GAS7: variants seen among roughly 807,000 people sequenced by gnomAD.
GAS7 encodes growth arrest-specific protein 7.
GAS7 carries 28 observed loss-of-function variants against 71.1 expected under a neutral mutation model. The observed-to-expected ratio is 0.39, with a 90% confidence interval of 0.29 to 0.54. The LOEUF is 0.54. GAS7 is among the 20% of genes least tolerant of loss of function. The probability of loss-of-function intolerance (pLI) is 0.62; values close to 1 mark genes in which losing one functional copy is unlikely to be tolerated. For synonymous variants in GAS7, 258 were observed against 245.8 expected (o/e 1.05, Z -0.46); for missense variants, 436 against 627.8 (o/e 0.69, Z 3.27).
chr17:10,070,110 C>T (rs1001780819), intron 1 of GAS7, among the ~76,000 whole-genome samples: 1 of 152,114 alleles, frequency 6.6e-6, no homozygotes, highest in Admixed American at 6.5e-5. Flanking sequence ...AGACCATAGG[C>T]ACTAGATGAC....
At position 10,044,142 on chromosome 17, in the gene GAS7, T is replaced by G. The variant is rs148747410; in HGVS notation, c.184-24245A>C. Among the ~76,000 whole-genome samples, 266 of 152,356 alleles carry G rather than the reference T, an allele frequency of 1.7e-3. 1 individual carries two copies. The highest frequency in any genetic ancestry group is 2.2e-3 in the Admixed American group (33 of 15,304). ...ACTTTTCTCTGCTTCTGGGGAATGCTTTCAGCATCACTAGTGGCACACTCT... is the reference window on the plus strand; with the variant it reads ...ACTTTTCTCTGCTTCTGGGGAATGCGTTCAGCATCACTAGTGGCACACTCT... On this transcript the variant is annotated intron_variant, in intron 1 of 13. Transcript: ENST00000432992.
intron 2 of GAS7, among the ~76,000 whole-genome samples, chr17:9,990,832 GC>G (rs1192421712): frequency 1.3e-5 from 2 of 152,182 alleles, no homozygotes; most frequent in Non-Finnish European, 2.9e-5. Context: ...CCTGCTGGGT[GC>G]CCTCTGGGTG....
intron 1 of GAS7, among the ~76,000 whole-genome samples, chr17:10,039,072 G>C (rs2072812734): frequency 6.6e-6 from 1 of 152,004 alleles, no homozygotes; most frequent in Non-Finnish European, 1.5e-5. Context: ...TGTTTAATGG[G>C]TCCAGAGTGT....
At chr17:10,039,115 A>G (rs978508217) in intron 1 of GAS7, among the ~76,000 whole-genome samples, 1 of 151,922 alleles carries the variant, frequency 6.6e-6, no homozygotes, top group African/African-American at 2.4e-5. Context: ...TCTGGAGATT[A>G]ATGGTGGTGA....
At chr17:10,093,542 G>C (rs1221227293) in intron 1 of GAS7, among the ~76,000 whole-genome samples, 1 of 107,794 alleles carries the variant, frequency 9.3e-6, no homozygotes, top group Admixed American at 1.3e-4. Flanking sequence ...AACAGAGTGA[G>C]ACTCCGTCTC....
chr17:10,040,902 C>T (rs1288703245), intron 1 of GAS7, among the ~76,000 whole-genome samples: 1 of 152,152 alleles, frequency 6.6e-6, no homozygotes, highest in South Asian at 2.1e-4. Context: ...TGGCTCACAC[C>T]TGTAATCCCA....
At chr17:10,030,785 G>A (rs2072598707) in intron 1 of GAS7, among the ~76,000 whole-genome samples, 1 of 151,904 alleles carries the variant, frequency 6.6e-6, no homozygotes, top group East Asian at 1.9e-4. Flanking sequence ...ATAGATGAAT[G>A]GGGTGACAAT....
chr17:10,160,521 G>A (rs923910538), intron 1 of GAS7, among the ~76,000 whole-genome samples: 9 of 152,176 alleles, frequency 5.9e-5, no homozygotes, highest in Non-Finnish European at 1.2e-4. Flanking sequence ...CCAGGAAGAA[G>A]AAAGGCACCT....
intron 3 of GAS7, among the ~76,000 whole-genome samples, chr17:9,971,374 C>A (rs2069955102): frequency 6.6e-6 from 1 of 152,134 alleles, no homozygotes; most frequent in East Asian, 1.9e-4. Flanking sequence ...GCCCGGACAA[C>A]ACCGTGAGAC....
At chr17:10,185,968 T>C (rs1597842398) in intron 1 of GAS7, among the ~76,000 whole-genome samples, 2 of 149,346 alleles carry the variant, frequency 1.3e-5, no homozygotes, top group Admixed American at 1.3e-4. Context: ...TTTTTTTTTT[T>C]TTTTGGAGAC....
At chr17:10,125,086 G>A (rs993196238) in intron 1 of GAS7, among the ~76,000 whole-genome samples, 1 of 151,086 alleles carries the variant, frequency 6.6e-6, no homozygotes, top group East Asian at 1.9e-4. Context: ...AAAAAGGGGG[G>A]GTGTGGAAGA....
chr17:10,106,313 C>T (rs2073755957), intron 1 of GAS7, among the ~76,000 whole-genome samples: 1 of 152,204 alleles, frequency 6.6e-6, no homozygotes, highest in African/African-American at 2.4e-5. Flanking sequence ...GACACCGGCC[C>T]CTCCTCTGAT....
At position 9,974,227 on chromosome 17, in the gene GAS7, G is replaced by C. The variant is rs758235645; in HGVS notation, c.386-4465C>G. 6.6e-6 allele frequency among the ~76,000 whole-genome samples: 1 copy of C among 152,124 alleles called. No individual in the cohort carries two copies. Among genetic ancestry groups the C allele is most frequent in the Non-Finnish European group, 1.5e-5 (1 of 68,022 alleles). On this transcript the variant is annotated intron_variant, in intron 3 of 13. Coordinates refer to ENST00000432992, the MANE Select transcript of GAS7 (RefSeq NM_201433.2). This position sits in a 1 kb window ranked among gnomAD's most constrained non-coding sequence, Gnocchi z 4.0. ...TTCTCCCCACGTAGCAGCTCTCCTC[G>C]GACACCCTGTCTGGCTGCGTTATCA...
intron 1 of GAS7, among the ~76,000 whole-genome samples, chr17:10,030,211 C>T (rs189468052): frequency 6.6e-6 from 1 of 152,256 alleles, no homozygotes; most frequent in East Asian, 1.9e-4. Flanking sequence ...TGTATTGGCC[C>T]CGAGGGGGCA....
chr17:10,108,204 T>C (rs1254415059), intron 1 of GAS7, among the ~76,000 whole-genome samples: 1 of 152,244 alleles, frequency 6.6e-6, no homozygotes, highest in Non-Finnish European at 1.5e-5. Context: ...TAGAGCATTT[T>C]TGCTTTGCAT....
intron 1 of GAS7, among the ~76,000 whole-genome samples, chr17:10,069,166 C>T (rs1435167995): frequency 6.6e-6 from 1 of 152,204 alleles, no homozygotes; most frequent in Non-Finnish European, 1.5e-5. Context: ...TTCCCAGACA[C>T]CAGCCAAGGA....
At chr17:9,990,832 G>C (rs913176955) in intron 2 of GAS7, among the ~76,000 whole-genome samples, 1 of 152,182 alleles carries the variant, frequency 6.6e-6, no homozygotes, top group African/African-American at 2.4e-5. Flanking sequence ...CCTGCTGGGT[G>C]CCCTCTGGGT....
At chr17:9,947,930 A>G (rs1389862628) in intron 5 of GAS7, among the ~76,000 whole-genome samples, 4 of 152,068 alleles carry the variant, frequency 2.6e-5, no homozygotes, top group African/African-American at 4.8e-5. Flanking sequence ...CGCCCATTCA[A>G]TGTGAAGATG....
At chr17:10,061,860 C>G (rs762397074) in intron 1 of GAS7, among the ~76,000 whole-genome samples, 1 of 152,310 alleles carries the variant, frequency 6.6e-6, no homozygotes, top group Non-Finnish European at 1.5e-5. Context: ...TATGGCACTC[C>G]ATGTGTAGCC....
Sources: gnomAD v4.1 joint callset for allele counts (sites outside exome capture counted in the v4.1 genomes callset) on GRCh38, gnomAD v4.1.1 for gene constraint, Gnocchi (gnomAD v3.1) non-coding constraint, MANE v1.5 for transcripts, NCBI Gene and HGNC (gene_info 2026-07-23, HGNC 2026-07-21) for gene names.